The following TAOK3 variants were observed in gnomAD, a reference collection of about 807,000 sequenced individuals.
The protein encoded by TAOK3 is TAO kinase 3, also known as serine/threonine-protein kinase TAO3.
A neutral mutation model predicts 120.4 loss-of-function variants in TAOK3; 40 were observed. That is an observed-to-expected ratio of 0.33 (90% CI 0.26 to 0.43). The LOEUF (loss-of-function observed/expected upper bound fraction) is 0.43. TAOK3 is among the 20% of genes least tolerant of loss of function. TAOK3 has a pLI of 1.00. For synonymous variants in TAOK3, 355 were observed against 387.5 expected (o/e 0.92, Z 0.99); for missense variants, 821 against 1,112.1 (o/e 0.74, Z 3.72).
chr12:118,359,007 A>G (rs1050643392), intron 1 of TAOK3: 2 of 152,180 alleles, frequency 1.3e-5, no homozygotes, highest in Non-Finnish European at 2.9e-5. Flanking sequence ...AACAATCAAT[A>G]CGATTTCCCC....
At chr12:118,351,048 G>T (rs2045127581) in intron 1 of TAOK3, among the ~76,000 whole-genome samples, 1 of 150,852 alleles carries the variant, frequency 6.6e-6, no homozygotes. Context: ...GCGTGGTGGT[G>T]CATGCCTGTA....
intron 11 of TAOK3, among the ~76,000 whole-genome samples, chr12:118,206,212 T>C (rs1003374870): frequency 1.3e-5 from 2 of 152,206 alleles, no homozygotes; most frequent in Non-Finnish European, 2.9e-5. Flanking sequence ...ATGCTAAGGA[T>C]GGTGAAGTAG....
chr12:118,211,973 C>T (rs189395057), intron 11 of TAOK3, among the ~76,000 whole-genome samples: 1 of 152,170 alleles, frequency 6.6e-6, no homozygotes, highest in African/African-American at 2.4e-5. Context: ...CATGTAAGGG[C>T]TCCACAACAA....
At chr12:118,169,004 T>TTCCTTCCTTCCTTCCTTC (rs1565885916) in intron 17 of TAOK3, among the ~76,000 whole-genome samples, 4 of 121,726 alleles carry the variant, frequency 3.3e-5, no homozygotes, top group African/African-American at 1.3e-4. Context: ...TTCCTTCCTT[T>TTCCTTCCTTCCTTCCTTC]CTTTCTTTCT....
chr12:118,309,033 A>G (rs980255602), intron 1 of TAOK3, among the ~76,000 whole-genome samples: 1 of 148,544 alleles, frequency 6.7e-6, no homozygotes, highest in African/African-American at 2.5e-5. Flanking sequence ...TTTGAATTAT[A>G]TTATTTTAAA....
chr12:118,198,295 G>A (rs2037835196), intron 13 of TAOK3: 1 of 151,500 alleles, frequency 6.6e-6, no homozygotes, highest in African/African-American at 2.4e-5. Context: ...TGAAATTTCT[G>A]CTTAAATGTC....
At chr12:118,222,634 G>A (rs1378106277) in intron 9 of TAOK3, among the ~76,000 whole-genome samples, 4 of 152,108 alleles carry the variant, frequency 2.6e-5, no homozygotes, top group Non-Finnish European at 5.9e-5. Context: ...TAACTTGAAT[G>A]GAGCTGGAGG....
intron 9 of TAOK3, among the ~76,000 whole-genome samples, chr12:118,229,001 G>A (rs896127405): frequency 7.2e-5 from 11 of 151,974 alleles, no homozygotes; most frequent in South Asian, 2.1e-4. Flanking sequence ...GGCTCACTGC[G>A]GCCTTGACTT....
In TAOK3 at chr12:118,172,589, C is replaced by T. The variant is rs114562457; in HGVS notation, c.1767G>A (p.Leu589=). 402 of 1,614,166 alleles carry T rather than the reference C, an allele frequency of 2.5e-4. 2 individuals carry two copies. In the African/African-American group the frequency reaches 4.9e-3, roughly 20 times the overall value. The change falls in exon 17 of 21, where the codon TTG becomes TTA. Residue 589 remains leucine, a synonymous_variant. Transcript: ENST00000392533. ...CTTCCTCTTCAGCCTGTGTGTGCTGCAAGTTCTCTTTATGTTTGGAGATCC... is the reference window on the plus strand; with the variant it reads ...CTTCCTCTTCAGCCTGTGTGTGCTGTAAGTTCTCTTTATGTTTGGAGATCC... The part of the protein sequence containing the change: ...QERISKHKEN[L]QHTQAEEEAH...
At chr12:118,241,258 A>ATCTTATTTCTTATT (rs1231962737) in intron 5 of TAOK3, among the ~76,000 whole-genome samples, 1 of 151,860 alleles carries the variant, frequency 6.6e-6, no homozygotes, top group African/African-American at 2.4e-5. Context: ...AGAAACATTA[A>ATCTTATTTCTTATT]TCTTATTTCT....
intron 1 of TAOK3, among the ~76,000 whole-genome samples, chr12:118,320,371 G>A (rs923769812): frequency 4.6e-5 from 7 of 151,836 alleles, no homozygotes; most frequent in East Asian, 1.9e-4. Context: ...TGGGAGGATC[G>A]CTTGAGCCCC....
chr12:118,216,149 G>T (rs1473529393), intron 9 of TAOK3, among the ~76,000 whole-genome samples: 1 of 152,176 alleles, frequency 6.6e-6, no homozygotes, highest in Non-Finnish European at 1.5e-5. Context: ...AGTGGGCTGA[G>T]ATCGGCCCCT....
chr12:118,350,995 G>A (rs1281597881), intron 1 of TAOK3, among the ~76,000 whole-genome samples: 2 of 151,388 alleles, frequency 1.3e-5, no homozygotes, highest in Admixed American at 1.3e-4. Context: ...CCTGGCCAAC[G>A]TGGTGAAACC....
intron 1 of TAOK3, among the ~76,000 whole-genome samples, chr12:118,299,924 A>C (rs1168403125): frequency 6.6e-6 from 1 of 152,142 alleles, no homozygotes; most frequent in African/African-American, 2.4e-5. Flanking sequence ...TGAGGGAGTC[A>C]AGCTTCTTCT....
chr12:118,185,104 G>GAA (rs900265280), intron 14 of TAOK3, among the ~76,000 whole-genome samples: 2 of 134,044 alleles, frequency 1.5e-5, no homozygotes, highest in South Asian at 2.3e-4. Context: ...CACATTTAAG[G>GAA]AAAAAAAAAA....
intron 1 of TAOK3, among the ~76,000 whole-genome samples, chr12:118,355,549 GT>G (rs1361745921): frequency 2.0e-5 from 3 of 152,188 alleles, no homozygotes; most frequent in Non-Finnish European, 1.5e-5. Flanking sequence ...AGTACACAAT[GT>G]GGTAAGAGGA....
At chr12:118,152,565 A>C in intron 19 of TAOK3, 156 bp from the exon 20 acceptor site, 1 of 661,006 alleles carries the variant, frequency 1.5e-6, no homozygotes, top group Admixed American at 2.9e-5. Context: ...CAGAGTTGGG[A>C]ATCAAAAACA....
At chr12:118,335,404 C>G (rs1052210043) in intron 1 of TAOK3, among the ~76,000 whole-genome samples, 1 of 152,140 alleles carries the variant, frequency 6.6e-6, no homozygotes, top group Non-Finnish European at 1.5e-5. Flanking sequence ...CTCAATTTCT[C>G]TAAAACCACA....
At position 118,189,885 on chromosome 12, in the gene TAOK3, C is replaced by CCGCGGCTCAGGCCTGGGATCGCCGTGG; in HGVS notation, c.1224_1250dup (p.His409_Arg417dup). Reference sequence around the variant, plus strand: ...CCTGGCTCTGAACTGACTGGGTAGGCCGCGGCTCAGGCCTGGGATCGCCGT... The same window carrying CCGCGGCTCAGGCCTGGGATCGCCGTGG: ...CCTGGCTCTGAACTGACTGGGTAGGCCGCGGCTCAGGCCTGGGATCGCCGTGGCGCGGCTCAGGCCTGGGATCGCCGT... On this transcript the variant is annotated inframe_insertion, in exon 14 of 21. Transcript: ENST00000392533. 1 of 1,614,188 alleles carries CCGCGGCTCAGGCCTGGGATCGCCGTGG rather than the reference C, an allele frequency of 6.2e-7. No individual in the cohort carries two copies. Among genetic ancestry groups the CCGCGGCTCAGGCCTGGGATCGCCGTGG allele is most frequent in the Non-Finnish European group, 8.5e-7 (1 of 1,180,036 alleles).
Sources: allele counts gnomAD v4.1 joint callset (sites outside exome capture counted in the v4.1 genomes callset), GRCh38; gene constraint gnomAD v4.1.1; transcripts MANE v1.5; gene names NCBI Gene and HGNC (gene_info 2026-07-23, HGNC 2026-07-21).